CDKN2B-AS1: variants seen among roughly 807,000 people sequenced by gnomAD.
CDKN2B-AS1 encodes the protein CDKN2B and CDKN2A antisense cis and trans regulatory RNA 1.
intron 4 of CDKN2B-AS1, among the ~76,000 whole-genome samples, chr9:22,091,997 A>G (rs541949815): frequency 2.6e-5 from 4 of 152,172 alleles, no homozygotes; most frequent in Non-Finnish European, 4.4e-5. Flanking sequence ...GATACATCCC[A>G]TCAATACCTA....
At chr9:22,063,638 A>G (rs1465782466) in intron 4 of CDKN2B-AS1, among the ~76,000 whole-genome samples, 1 of 152,210 alleles carries the variant, frequency 6.6e-6, no homozygotes, top group African/African-American at 2.4e-5. Flanking sequence ...ATAGTGAGAA[A>G]GACATGAAGG....
rs139529981 is a variant in CDKN2B-AS1 at position 22,075,647 on chromosome 9, G to A, written n.438+19260G>A. Among the ~76,000 whole-genome samples the A allele has an allele frequency of 3.5e-3, 534 of 152,278 alleles. 1 individual carries two copies. The highest frequency in any genetic ancestry group is 6.1e-3 in the Admixed American group (93 of 15,294). ...CTTCTTTCCTGACATGGGCTTTCAA[G>A]TGCATGTAACTTGACATTTATGATT... On this transcript the variant is annotated intron_variant and non_coding_transcript_variant, in intron 4 of 4. Coordinates refer to ENST00000650946, the Ensembl canonical transcript of CDKN2B-AS1.
intron 1 of CDKN2B-AS1, among the ~76,000 whole-genome samples, chr9:22,045,836 G>A (rs561300190): frequency 6.6e-6 from 1 of 152,144 alleles, no homozygotes; most frequent in African/African-American, 2.4e-5. Flanking sequence ...CAAGATTGTG[G>A]TCCAAGCTCT....
chr9:22,079,413 A>G (rs1824616819), intron 4 of CDKN2B-AS1, among the ~76,000 whole-genome samples: 1 of 151,786 alleles, frequency 6.6e-6, no homozygotes, highest in Non-Finnish European at 1.5e-5. Context: ...GCTTGAATGC[A>G]GGAAGTGGAG....
At chr9:22,091,126 C>T (rs1325243607) in intron 4 of CDKN2B-AS1, among the ~76,000 whole-genome samples, 2 of 152,162 alleles carry the variant, frequency 1.3e-5, no homozygotes, top group Non-Finnish European at 2.9e-5. Flanking sequence ...TGTCAAAGAT[C>T]AGATTGTTGT....
chr9:22,083,598 AG>A (rs1168625831), intron 4 of CDKN2B-AS1, among the ~76,000 whole-genome samples: 2 of 152,370 alleles, frequency 1.3e-5, no homozygotes, highest in Non-Finnish European at 2.9e-5. Context: ...ATTCTTATAA[AG>A]CACCCTAGGT....
At chr9:22,020,560 A>G (rs1821972860) in intron 1 of CDKN2B-AS1, among the ~76,000 whole-genome samples, 2 of 152,204 alleles carry the variant, frequency 1.3e-5, no homozygotes, top group East Asian at 1.9e-4. Flanking sequence ...TGACTTTTTA[A>G]TAATAGCCAT....
At chr9:22,099,964 T>C (rs1385400427) in intron 4 of CDKN2B-AS1, among the ~76,000 whole-genome samples, 1 of 152,200 alleles carries the variant, frequency 6.6e-6, no homozygotes, top group African/African-American at 2.4e-5. Context: ...CATTGTGTTC[T>C]ATTTTGTACA....
intron 1 of CDKN2B-AS1, among the ~76,000 whole-genome samples, chr9:22,018,712 T>C (rs1243977179): frequency 6.6e-6 from 1 of 152,228 alleles, no homozygotes; most frequent in Non-Finnish European, 1.5e-5. Context: ...AACATGTTTA[T>C]ATCCTCCTAT....
chr9:22,069,993 G>A (rs1283898440), intron 4 of CDKN2B-AS1, among the ~76,000 whole-genome samples: 2 of 152,080 alleles, frequency 1.3e-5, no homozygotes, highest in East Asian at 1.9e-4. Flanking sequence ...GGGAATGTGC[G>A]TTATCTAATA....
intron 1 of CDKN2B-AS1, among the ~76,000 whole-genome samples, chr9:22,035,969 T>C (rs1268571217): frequency 6.6e-6 from 1 of 152,106 alleles, no homozygotes; most frequent in African/African-American, 2.4e-5. Context: ...TAGCCACAGA[T>C]GTAAGGGCTA....
intron 1 of CDKN2B-AS1, among the ~76,000 whole-genome samples, chr9:22,028,905 C>G (rs550754193): frequency 2.7e-4 from 41 of 152,154 alleles, no homozygotes; most frequent in Non-Finnish European, 5.3e-4. Context: ...AGTGACAATA[C>G]CACCATATTA....
intron 4 of CDKN2B-AS1, chr9:22,077,865 A>G (rs982992265): frequency 2.0e-5 from 3 of 152,206 alleles, no homozygotes; most frequent in Admixed American, 2.0e-4. Context: ...TGATGTATTG[A>G]AAGTTCAATA....
At chr9:22,029,779 A>G in intron 1 of CDKN2B-AS1, 1 of 334,854 alleles carries the variant, frequency 3.0e-6, no homozygotes, top group Non-Finnish European at 5.3e-6. Context: ...TTTATCTTGT[A>G]TTTATAATCA....
intron 4 of CDKN2B-AS1, among the ~76,000 whole-genome samples, chr9:22,123,102 T>A (rs1826133980): frequency 6.6e-6 from 1 of 152,186 alleles, no homozygotes; most frequent in Admixed American, 6.5e-5. Context: ...GGTATTTTAT[T>A]GTTTTCGTAG....
intron 4 of CDKN2B-AS1, among the ~76,000 whole-genome samples, chr9:22,081,904 A>G (rs1267780248): frequency 2.6e-5 from 4 of 152,220 alleles, no homozygotes; most frequent in Admixed American, 1.3e-4. Context: ...GTATTTTCCC[A>G]GGAGTTTTTT....
chr9:22,042,949 A>G (rs1163586569), intron 1 of CDKN2B-AS1, among the ~76,000 whole-genome samples: 1 of 151,824 alleles, frequency 6.6e-6, no homozygotes, highest in African/African-American at 2.4e-5. Context: ...AAATCTATTC[A>G]CAATAGAGTT....
At chr9:22,094,566 T>C (rs1258143747) in intron 4 of CDKN2B-AS1, among the ~76,000 whole-genome samples, 2 of 144,620 alleles carry the variant, frequency 1.4e-5, no homozygotes, top group Non-Finnish European at 1.5e-5. Flanking sequence ...ATTCATTTGA[T>C]CTTCCATCAC....
Position 22,005,622 on chromosome 9 carries a change from T to C in CDKN2B-AS1, n.29+10461T>C. On this transcript the variant is annotated intron_variant and non_coding_transcript_variant, in intron 1 of 4. Transcript: ENST00000650946. This position sits in a 1 kb window ranked among gnomAD's most constrained non-coding sequence, Gnocchi z 4.9. ...TGCCTTCTCCCACTCAGCGCTGGAG[T>C]GGGAGATTCATCCATCGGAAGATTC... The C allele has an allele frequency of 2.2e-6, 1 of 447,010 alleles. No individual in the cohort carries two copies. The highest frequency in any genetic ancestry group is 4.2e-6 in the Non-Finnish European group (1 of 240,572). The allele number at this position is 447,010 out of a possible 1,614,324, so 27.7% of individuals were successfully genotyped here.
Sources: allele counts gnomAD v4.1 joint callset (sites outside exome capture counted in the v4.1 genomes callset), GRCh38; gene constraint gnomAD v4.1.1; non-coding constraint Gnocchi (gnomAD v3.1); transcripts MANE v1.5; gene names NCBI Gene and HGNC (gene_info 2026-07-23, HGNC 2026-07-21).